RSRC1: variants seen among roughly 807,000 people sequenced by gnomAD.
The protein encoded by RSRC1 is arginine and serine rich coiled-coil 1.
RSRC1 carries 39 observed loss-of-function variants against 49.1 expected under a neutral mutation model. That is an observed-to-expected ratio of 0.79 (90% CI 0.61 to 1.04). RSRC1 has a LOEUF of 1.04. Ranked by LOEUF, RSRC1 falls within the 50% of genes least tolerant of loss-of-function variation. The probability of loss-of-function intolerance (pLI) is 0.00; values close to 1 mark genes in which losing one functional copy is unlikely to be tolerated. For missense variants in RSRC1, 388 were observed against 402.4 expected, an observed-to-expected ratio of 0.96 and a Z score of 0.31; for synonymous variants, 143 against 130.8, an observed-to-expected ratio of 1.09 and a Z score of -0.63.
intron 6 of RSRC1, among the ~76,000 whole-genome samples, chr3:158,440,315 TAGAG>T (rs769714373): frequency 3.3e-5 from 5 of 152,096 alleles, no homozygotes; most frequent in South Asian, 4.2e-4. Context: ...TGATTGTTCT[TAGAG>T]AGCCCTTTCT....
intron 6 of RSRC1, among the ~76,000 whole-genome samples, chr3:158,410,828 TATA>T (rs1734426825): frequency 1.3e-5 from 2 of 152,118 alleles, no homozygotes; most frequent in South Asian, 2.1e-4. Flanking sequence ...TAATAGAATA[TATA>T]ATATTATAAA....
At chr3:158,457,450 G>A (rs1056166342) in intron 6 of RSRC1, among the ~76,000 whole-genome samples, 3 of 152,144 alleles carry the variant, frequency 2.0e-5, no homozygotes, top group Non-Finnish European at 2.9e-5. Context: ...AACTGTGGAT[G>A]TGATTTTGAA....
intron 4 of RSRC1, among the ~76,000 whole-genome samples, chr3:158,267,009 C>G (rs1725229541): frequency 6.6e-6 from 1 of 152,232 alleles, no homozygotes; most frequent in African/African-American, 2.4e-5. Flanking sequence ...AGTGATCCAT[C>G]TGCCTTGGCC....
chr3:158,389,112 A>G (rs1164482318), intron 6 of RSRC1, among the ~76,000 whole-genome samples: 1 of 152,232 alleles, frequency 6.6e-6, no homozygotes, highest in African/African-American at 2.4e-5. Flanking sequence ...TAAAGTTGCC[A>G]TCAAAGGATG....
At chr3:158,484,701 C>G (rs1356773689) in intron 7 of RSRC1, among the ~76,000 whole-genome samples, 1 of 151,984 alleles carries the variant, frequency 6.6e-6, no homozygotes, top group Non-Finnish European at 1.5e-5. Flanking sequence ...GTTTATGACT[C>G]AAACAATTTT....
At position 158,390,642 on chromosome 3, in the gene RSRC1, A is replaced by G. The variant is rs777862967; in HGVS notation, c.583+35734A>G. ...ATCGTAATATAAATACAATAATATT[A>G]TTGTCCCTGGAGTACAGATAAGGAA... On this transcript the variant is annotated intron_variant, in intron 6 of 9. Transcript: ENST00000611884. 2.0e-4 allele frequency among the ~76,000 whole-genome samples: 31 copies of G among 152,256 alleles called. No individual in the cohort carries two copies. The East Asian group carries it at 4.8e-3, about 24-fold the overall frequency.
intron 7 of RSRC1, among the ~76,000 whole-genome samples, chr3:158,530,874 C>G (rs1712346844): frequency 7.4e-6 from 1 of 135,226 alleles, no homozygotes; most frequent in African/African-American, 2.8e-5. Context: ...TGCACATGTA[C>G]CCTAAAACTT....
At chr3:158,207,637 T>TTAGATAGATAGATAGA (rs1553769118) in intron 4 of RSRC1, among the ~76,000 whole-genome samples, 3,088 of 147,078 alleles carry the variant, frequency 0.021, 48 homozygotes, top group African/African-American at 0.037. Flanking sequence ...GTAACAGTAT[T>TTAGATAGATAGATAGA]TAGATAGATA....
intron 1 of RSRC1, among the ~76,000 whole-genome samples, chr3:158,118,768 A>G (rs1715046207): frequency 6.6e-6 from 1 of 152,238 alleles, no homozygotes; most frequent in Non-Finnish European, 1.5e-5. Context: ...TGTTATAAAT[A>G]CAGTTGTAAC....
intron 4 of RSRC1, among the ~76,000 whole-genome samples, chr3:158,222,593 A>G (rs933876898): frequency 6.6e-6 from 1 of 151,558 alleles, no homozygotes; most frequent in Non-Finnish European, 1.5e-5. Flanking sequence ...TCTTGATGGC[A>G]TATATTCATT....
At chr3:158,198,623 G>A (rs1324967601) in intron 3 of RSRC1, among the ~76,000 whole-genome samples, 6 of 152,126 alleles carry the variant, frequency 3.9e-5, no homozygotes, top group Non-Finnish European at 8.8e-5. Flanking sequence ...TGCAGTGGCT[G>A]GTACCGGTTG....
Position 158,413,409 on chromosome 3 carries a change from C to T in RSRC1, c.584-47526C>T, listed in dbSNP as rs185116978. 3.1e-3 allele frequency among the ~76,000 whole-genome samples: 474 copies of T among 152,168 alleles called. 3 individuals carry two copies. The highest frequency in any genetic ancestry group is 0.011 in the African/African-American group (448 of 41,524). ...CCCTAGAAGAAAATCTAGGCAATAC[C>T]ATTCAGGACATAGGCATGGGCAAAG... On this transcript the variant is annotated intron_variant, in intron 6 of 9. Transcript: ENST00000611884.
At chr3:158,153,263 C>G (rs1047242790) in intron 3 of RSRC1, among the ~76,000 whole-genome samples, 1 of 152,320 alleles carries the variant, frequency 6.6e-6, no homozygotes, top group South Asian at 2.1e-4. Context: ...TGATCTGCAA[C>G]TCTTTCTCTT....
intron 6 of RSRC1, among the ~76,000 whole-genome samples, chr3:158,414,138 A>G (rs567841755): frequency 2.0e-5 from 3 of 152,314 alleles, no homozygotes; most frequent in Admixed American, 6.5e-5. Context: ...TAGCAAAGAC[A>G]TGGAATCAAC....
In RSRC1 at chr3:158,122,198, A is replaced by C. The variant is rs749015939; in HGVS notation, c.94A>C (p.Ser32Arg). The change falls in exon 2 of 10, where the codon AGT becomes CGT. Residue 32 changes from serine to arginine, a missense_variant. Ser to Arg is a moderately radical substitution (Grantham distance 110). Transcript: ENST00000611884. ...GTCCTCCTCGAGCAGTTCTTCAGAT[A>C]GTAGAACATACAGCCGAAAGAAAGG... Reference protein sequence around the residue: ...RRSSSSSSSDSRTYSRKKGGR... With the variant: ...RRSSSSSSSDRRTYSRKKGGR... 1 of 1,608,594 alleles carries C rather than the reference A, an allele frequency of 6.2e-7. No individual in the cohort carries two copies. The highest frequency in any genetic ancestry group is 2.2e-5 in the East Asian group (1 of 44,468).
intron 7 of RSRC1, among the ~76,000 whole-genome samples, chr3:158,504,011 G>T (rs1739734068): frequency 6.6e-6 from 1 of 152,156 alleles, no homozygotes; most frequent in African/African-American, 2.4e-5. Context: ...GTGTCAGGCA[G>T]GAATGTCCTT....
chr3:158,332,435 AAAAT>A (rs947736279), intron 5 of RSRC1, among the ~76,000 whole-genome samples: 2 of 35,148 alleles, frequency 5.7e-5, no homozygotes, highest in Admixed American at 5.7e-4. Flanking sequence ...TTCACCTCTT[AAAAT>A]AAATCCGTAA....
chr3:158,455,395 A>G (rs1247325599), intron 6 of RSRC1, among the ~76,000 whole-genome samples: 2 of 152,076 alleles, frequency 1.3e-5, no homozygotes, highest in South Asian at 2.1e-4. Context: ...GTATTTTCCA[A>G]TTCTTGATTT....
At chr3:158,478,715 A>G (rs1738485705) in intron 7 of RSRC1, among the ~76,000 whole-genome samples, 1 of 151,968 alleles carries the variant, frequency 6.6e-6, no homozygotes, top group Non-Finnish European at 1.5e-5. Flanking sequence ...AACTTGGAAC[A>G]TTTTCTAAAG....
Sources: allele counts gnomAD v4.1 joint callset (sites outside exome capture counted in the v4.1 genomes callset), GRCh38; gene constraint gnomAD v4.1.1; transcripts MANE v1.5; gene names NCBI Gene and HGNC (gene_info 2026-07-23, HGNC 2026-07-21).